ARHGAP26: variants seen among roughly 807,000 people sequenced by gnomAD.
The protein encoded by ARHGAP26 is rho GTPase-activating protein 26.
ARHGAP26 carries 38 observed loss-of-function variants against 104.8 expected under a neutral mutation model. The ratio of observed to expected loss-of-function variants is 0.36; its 90% CI spans 0.28 to 0.48. The LOEUF (loss-of-function observed/expected upper bound fraction) is 0.48, where lower values mean the gene tolerates loss of function less well. ARHGAP26 is among the 20% of genes least tolerant of loss of function. ARHGAP26 has a pLI of 0.99. For synonymous variants in ARHGAP26, 341 were observed against 340.0 expected (o/e 1.00, Z -0.03); for missense variants, 704 against 947.9 (o/e 0.74, Z 3.38).
chr5:143,100,870 C>T (rs956552294), intron 17 of ARHGAP26, among the ~76,000 whole-genome samples: 6 of 152,178 alleles, frequency 3.9e-5, no homozygotes, highest in Non-Finnish European at 7.3e-5. Flanking sequence ...GCGGGAGGAT[C>T]ACTTAAGGTC....
In ARHGAP26 at chr5:142,963,163, GGTATATATGTATATATATATAT is replaced by G. The variant is rs746121121; in HGVS notation, c.1107+31039_1107+31060del. Among the ~76,000 whole-genome samples, 13 of 112,204 alleles carry G rather than the reference GGTATATATGTATATATATATAT, an allele frequency of 1.2e-4. 1 individual carries two copies. The highest frequency in any genetic ancestry group is 3.0e-4 in the African/African-American group (7 of 23,024). 73.6% of individuals were successfully genotyped at this position (112,204 alleles called of 152,430 possible). A position where few individuals can be genotyped will look rare whatever the true frequency, so the allele number is the denominator to read the frequency against. ...TTTTTATGGCTGTGTAGTATTCCAT[GGTATATATGTATATATATATAT>G]ATATATATATATATGTGTGTGTGTG... On this transcript the variant is annotated intron_variant, in intron 11 of 22. Coordinates refer to ENST00000645722, the MANE Select transcript of ARHGAP26 (RefSeq NM_001135608.3).
chr5:143,163,527 T>C (rs966520780), intron 20 of ARHGAP26, among the ~76,000 whole-genome samples: 1 of 132,938 alleles, frequency 7.5e-6, no homozygotes, highest in African/African-American at 2.6e-5. Context: ...CTTGGCTCAC[T>C]GCAACCTTTG....
At chr5:142,959,189 G>A (rs1769792399) in intron 11 of ARHGAP26, among the ~76,000 whole-genome samples, 1 of 152,126 alleles carries the variant, frequency 6.6e-6, no homozygotes, top group African/African-American at 2.4e-5. Context: ...GCTATTATGT[G>A]GACATTTGTA....
chr5:142,881,721 G>A (rs145525312), intron 4 of ARHGAP26, among the ~76,000 whole-genome samples: 14 of 152,182 alleles, frequency 9.2e-5, no homozygotes, highest in Middle Eastern at 3.4e-3. Flanking sequence ...CAACAAACAA[G>A]CAAACAACAG....
intron 20 of ARHGAP26, among the ~76,000 whole-genome samples, chr5:143,184,321 A>G (rs1021120671): frequency 8.5e-5 from 13 of 152,246 alleles, no homozygotes; most frequent in African/African-American, 2.6e-4. Context: ...GAATTAATGT[A>G]TTATTGCTTA....
intron 1 of ARHGAP26, among the ~76,000 whole-genome samples, chr5:142,844,120 C>T (rs558632956): frequency 3.4e-5 from 5 of 148,598 alleles, no homozygotes; most frequent in East Asian, 2.0e-4. Flanking sequence ...GGCACGATCT[C>T]GGCTCACTGC....
rs555312994 is a variant in ARHGAP26 at position 142,896,189 on chromosome 5, T to C, written c.597+1841T>C. Among the ~76,000 whole-genome samples, 3 of 152,378 alleles carry C rather than the reference T, an allele frequency of 2.0e-5. No homozygotes were observed. In the South Asian group the frequency reaches 6.2e-4, roughly 32 times the overall value. Reference sequence around the variant, plus strand: ...GTGGTCAGGGCAGGAATGCAAATGCTGTCACATAGAATTTGCCTTTAGCAT... The same window carrying C: ...GTGGTCAGGGCAGGAATGCAAATGCCGTCACATAGAATTTGCCTTTAGCAT... On this transcript the variant is annotated intron_variant, in intron 6 of 22. Transcript: ENST00000645722.
At chr5:143,040,783 G>A (rs1783347806) in intron 13 of ARHGAP26, among the ~76,000 whole-genome samples, 1 of 152,210 alleles carries the variant, frequency 6.6e-6, no homozygotes, top group Non-Finnish European at 1.5e-5. Context: ...GGGGCCATGA[G>A]CTTGGCATGT....
chr5:143,149,424 A>G (rs1799549308), intron 20 of ARHGAP26, among the ~76,000 whole-genome samples: 1 of 152,110 alleles, frequency 6.6e-6, no homozygotes. Context: ...GAGCCATGTC[A>G]AAGTCCCCCA....
chr5:142,829,200 G>A (rs772468907), intron 1 of ARHGAP26, among the ~76,000 whole-genome samples: 1 of 152,200 alleles, frequency 6.6e-6, no homozygotes, highest in Non-Finnish European at 1.5e-5. Flanking sequence ...AGAGAATGCT[G>A]TATACCATCA....
intron 20 of ARHGAP26, among the ~76,000 whole-genome samples, chr5:143,180,750 A>G (rs1599393399): frequency 6.6e-6 from 1 of 152,132 alleles, no homozygotes; most frequent in East Asian, 1.9e-4. Flanking sequence ...GTCTCCTCCC[A>G]CCAGTCTCTC....
At position 143,037,185 on chromosome 5, in the gene ARHGAP26, TGCTC is replaced by T. The variant is rs746810360; in HGVS notation, c.1145-10_1145-7del. ...GCTAGCAACTTGACTGTCCTTCTCT[TGCTC>T]TTTCAGCTGCGCAGTTGGACAGCAT... On this transcript the variant is annotated splice_region_variant and splice_polypyrimidine_tract_variant and intron_variant, in intron 12 of 22. Transcript: ENST00000645722. 10 of 1,596,814 alleles carry T rather than the reference TGCTC, an allele frequency of 6.3e-6. No individual in the cohort carries two copies. In the East Asian group the frequency reaches 6.7e-5, roughly 11 times the overall value.
chr5:143,111,115 A>G (rs1294447859), intron 17 of ARHGAP26, among the ~76,000 whole-genome samples: 1 of 152,256 alleles, frequency 6.6e-6, no homozygotes, highest in Non-Finnish European at 1.5e-5. Flanking sequence ...TTTATTTACC[A>G]GTAGAGAAGC....
chr5:142,933,964 C>T (rs1227147184), intron 11 of ARHGAP26, among the ~76,000 whole-genome samples: 2 of 152,176 alleles, frequency 1.3e-5, no homozygotes, highest in Non-Finnish European at 2.9e-5. Context: ...TACTTTCACT[C>T]ACTCCCTTGA....
At chr5:142,931,890 G>A (rs1485234305) in intron 10 of ARHGAP26, among the ~76,000 whole-genome samples, 157 bp from the exon 11 acceptor site, 1 of 152,232 alleles carries the variant, frequency 6.6e-6, no homozygotes, top group African/African-American at 2.4e-5. Context: ...CTTTCTGAGA[G>A]TAGAAGGTGG....
intron 13 of ARHGAP26, 191 bp from the exon 14 acceptor site, chr5:143,041,624 AT>A (rs1783475720): frequency 1.7e-6 from 1 of 584,406 alleles, no homozygotes; most frequent in Non-Finnish European, 3.1e-6. Flanking sequence ...CATCCGTGAA[AT>A]CCTAGACAGC....
intron 12 of ARHGAP26, among the ~76,000 whole-genome samples, chr5:143,025,128 A>T (rs905487470): frequency 4.6e-5 from 7 of 152,174 alleles, no homozygotes; most frequent in Admixed American, 4.6e-4. Context: ...GAGCCCGTTT[A>T]TATAAAAACG....
chr5:143,030,333 C>T (rs563696959), intron 12 of ARHGAP26, among the ~76,000 whole-genome samples: 2 of 152,318 alleles, frequency 1.3e-5, no homozygotes, highest in East Asian at 3.9e-4. Context: ...GAGAAGCCCT[C>T]CTCTCAGCCC....
chr5:142,772,025 G>A (rs1755305911), intron 1 of ARHGAP26, among the ~76,000 whole-genome samples: 1 of 152,194 alleles, frequency 6.6e-6, no homozygotes, highest in Non-Finnish European at 1.5e-5. Context: ...TACTGTATCT[G>A]TTTCTGTGAT....
Sources: gnomAD v4.1 joint callset for allele counts (sites outside exome capture counted in the v4.1 genomes callset) on GRCh38, gnomAD v4.1.1 for gene constraint, MANE v1.5 for transcripts, NCBI Gene and HGNC (gene_info 2026-07-23, HGNC 2026-07-21) for gene names.